ANKS1A: variants seen among roughly 807,000 people sequenced by gnomAD.
ANKS1A encodes the protein ankyrin repeat and sterile alpha motif domain containing 1A.
In ANKS1A, 55 loss-of-function variants were observed where a neutral mutation model predicts 120.3. The observed-to-expected ratio is 0.46, with a 90% confidence interval of 0.37 to 0.57. The LOEUF is 0.57. ANKS1A is among the 20% of genes least tolerant of loss of function. The pLI, the probability that ANKS1A is intolerant of heterozygous loss-of-function variation, is 0.00. For missense variants in ANKS1A, 1,123 were observed against 1,480.3 expected, an observed-to-expected ratio of 0.76 and a Z score of 3.96; for synonymous variants, 590 against 604.7, an observed-to-expected ratio of 0.98 and a Z score of 0.36.
intron 1 of ANKS1A, among the ~76,000 whole-genome samples, chr6:34,901,599 C>A (rs905730631): frequency 1.3e-5 from 2 of 152,164 alleles, no homozygotes; most frequent in Non-Finnish European, 2.9e-5. Context: ...TAACTTCAGC[C>A]TCCTGGGCTC....
intron 1 of ANKS1A, among the ~76,000 whole-genome samples, chr6:34,952,224 A>G (rs1770124967): frequency 6.6e-6 from 1 of 152,220 alleles, no homozygotes; most frequent in Non-Finnish European, 1.5e-5. Context: ...ATCCACTTAA[A>G]GTATACTTGG....
chr6:34,966,334 C>T (rs979728019), intron 1 of ANKS1A, among the ~76,000 whole-genome samples: 2 of 152,126 alleles, frequency 1.3e-5, no homozygotes, highest in East Asian at 3.8e-4. Flanking sequence ...AAACTATTAT[C>T]TCCATAGATG....
In ANKS1A at chr6:35,082,862, T is replaced by C; in HGVS notation, c.2835+46T>C. ...CAGCAGGGCCGGCCTCCCTGCTCCT[T>C]CTCGGCCAGGCACCTGCGGCCAAGT... On this transcript the variant is annotated intron_variant, in intron 18 of 23. Coordinates refer to ENST00000360359, the MANE Select transcript of ANKS1A (RefSeq NM_015245.3). The surrounding 1 kb of genome is among the most constrained non-coding windows in gnomAD (Gnocchi z 4.1). 1.3e-6 allele frequency: 2 copies of C among 1,583,214 alleles called. No individual in the cohort carries two copies. Among genetic ancestry groups the C allele is most frequent in the Non-Finnish European group, 1.7e-6 (2 of 1,165,070 alleles).
rs1219975857 is a variant in ANKS1A, at chr6:35,090,042, G to A, written c.*1433G>A. The A allele has an allele frequency of 2.4e-6, 3 of 1,240,150 alleles. No individual in the cohort carries two copies. The highest frequency in any genetic ancestry group is 2.8e-5 in the South Asian group (2 of 72,458). The allele number at this position is 1,240,150 out of a possible 1,614,324, so 76.8% of individuals were successfully genotyped here. ...AACCCATGTGGTTGGCCAGAAATCA[G>A]AAGTGGGGCTGTGTCTCTGACTGGC... On this transcript the variant is annotated 3_prime_UTR_variant, in exon 24 of 24. Transcript: ENST00000360359.
At chr6:34,932,147 T>C (rs193007616) in intron 1 of ANKS1A, among the ~76,000 whole-genome samples, 1 of 152,246 alleles carries the variant, frequency 6.6e-6, no homozygotes, top group Non-Finnish European at 1.5e-5. Context: ...GACAGAGTAA[T>C]TTTTCTCTTT....
rs1766711008 is a variant in ANKS1A at position 34,889,814 on chromosome 6, G to A, written c.197+215G>A. Among the ~76,000 whole-genome samples the A allele has an allele frequency of 6.6e-6, 1 of 152,110 alleles. No individual in the cohort carries two copies. Among genetic ancestry groups the A allele is most frequent in the African/African-American group, 2.4e-5 (1 of 41,416 alleles). ...CTCGCCTGGTCTCCCGTTCTGACCC[G>A]GCTGCGAAGAATGGTGGGAGTGCCC... On this transcript the variant is annotated intron_variant, in intron 1 of 23. Transcript: ENST00000360359. The surrounding 1 kb of genome is among the most constrained non-coding windows in gnomAD (Gnocchi z 5.5).
chr6:34,976,692 TA>T (rs1285862991), intron 3 of ANKS1A, among the ~76,000 whole-genome samples: 1 of 152,102 alleles, frequency 6.6e-6, no homozygotes, highest in Non-Finnish European at 1.5e-5. Flanking sequence ...GTTTTAAGAA[TA>T]ATGCCATGAA....
At chr6:34,917,649 A>T (rs1768231291) in intron 1 of ANKS1A, among the ~76,000 whole-genome samples, 1 of 152,180 alleles carries the variant, frequency 6.6e-6, no homozygotes, top group Non-Finnish European at 1.5e-5. Flanking sequence ...AGCTGGGTGG[A>T]CAGGAAAGAC....
At chr6:35,020,391 C>T (rs1293724865) in intron 11 of ANKS1A, among the ~76,000 whole-genome samples, 1 of 152,158 alleles carries the variant, frequency 6.6e-6, no homozygotes, top group East Asian at 1.9e-4. Context: ...TATTTCATGT[C>T]AGGGACTTGA....
intron 11 of ANKS1A, among the ~76,000 whole-genome samples, chr6:35,019,693 CAG>C (rs1774226012): frequency 6.6e-6 from 1 of 152,084 alleles, no homozygotes; most frequent in South Asian, 2.1e-4. Flanking sequence ...TTTTTTAAAA[CAG>C]AGTTTTACTA....
intron 11 of ANKS1A, among the ~76,000 whole-genome samples, chr6:35,034,617 G>C (rs964669791): frequency 6.6e-6 from 1 of 152,202 alleles, no homozygotes; most frequent in African/African-American, 2.4e-5. Flanking sequence ...TTAATTAAAA[G>C]ATATTTTTAA....
chr6:34,992,144 T>C (rs1482015751), intron 9 of ANKS1A, among the ~76,000 whole-genome samples: 1 of 152,192 alleles, frequency 6.6e-6, no homozygotes, highest in Non-Finnish European at 1.5e-5. Context: ...ATCAAGGGAA[T>C]TGACTTTTAT....
In ANKS1A at chr6:35,079,537, G is replaced by A. The variant is rs370130506; in HGVS notation, c.2305G>A (p.Gly769Arg). 1.2e-6 allele frequency: 2 copies of A among 1,613,702 alleles called. No homozygotes were observed. Among genetic ancestry groups the A allele is most frequent in the South Asian group, 1.1e-5 (1 of 91,066 alleles). Residue 769 changes from glycine (G) to arginine (R), a missense_variant, in exon 15 of 24, where the codon GGG becomes AGG. Coordinates refer to ENST00000360359, the MANE Select transcript of ANKS1A (RefSeq NM_015245.3). ...LPKVKALGYD[G>R]NSPPSVPSWL... ...GTAGGTGAAGGCTCTGGGTTATGAC[G>A]GGAACAGCCCCCCTAGCGTGCCCTC...
In ANKS1A at chr6:35,057,932, T is replaced by A. The variant is rs1218099447; in HGVS notation, c.2078-2215T>A. On this transcript the variant is annotated intron_variant, in intron 12 of 23. Transcript: ENST00000360359. This position sits in a 1 kb window ranked among gnomAD's most constrained non-coding sequence, Gnocchi z 4.1. ...CAAAGCTCTAGGAGCAGTCCCTCTC[T>A]ATTCTTCCTGACAAGCTGTTTCCAG... is the stretch of plus-strand genomic sequence containing the variant. Among the ~76,000 whole-genome samples, 1 of 152,226 alleles carries A rather than the reference T, an allele frequency of 6.6e-6. No individual in the cohort carries two copies. The highest frequency in any genetic ancestry group is 1.9e-4 in the East Asian group (1 of 5,200).
intron 1 of ANKS1A, among the ~76,000 whole-genome samples, chr6:34,894,513 G>A (rs1001344359): frequency 6.6e-6 from 1 of 152,018 alleles, no homozygotes; most frequent in African/African-American, 2.4e-5. Context: ...TTAGCCAGGC[G>A]TGATGGTGTG....
chr6:34,985,399 G>C, intron 8 of ANKS1A, 121 bp downstream of exon 8: 1 of 967,376 alleles, frequency 1.0e-6, no homozygotes, highest in Non-Finnish European at 1.5e-6. Flanking sequence ...GGGGCCTGGA[G>C]CCCACTTATT....
intron 11 of ANKS1A, chr6:35,039,775 G>C (rs1365222631): frequency 2.7e-6 from 1 of 374,824 alleles, no homozygotes; most frequent in Non-Finnish European, 5.4e-6. Context: ...CAGCCCTCGA[G>C]AGGCCTAAGT....
At position 34,889,364 on chromosome 6, in the gene ANKS1A, A is replaced by G; in HGVS notation, c.-39A>G. The G allele has an allele frequency of 8.0e-7, 1 of 1,247,756 alleles. No individual in the cohort carries two copies. 77.3% of individuals were successfully genotyped at this position (1,247,756 alleles called of 1,614,324 possible). ...TGGGAGCCCGAGCAGGCTCGGCTGCAGCCTCGGGGAGGGGGTCCAGCGGGT... is the reference window on the plus strand; with the variant it reads ...TGGGAGCCCGAGCAGGCTCGGCTGCGGCCTCGGGGAGGGGGTCCAGCGGGT... On this transcript the variant is annotated 5_prime_UTR_variant, in exon 1 of 24. Transcript: ENST00000360359. The surrounding 1 kb of genome is among the most constrained non-coding windows in gnomAD (Gnocchi z 5.5).
intron 3 of ANKS1A, among the ~76,000 whole-genome samples, chr6:34,971,829 T>C (rs1324705118): frequency 1.3e-5 from 2 of 152,208 alleles, no homozygotes; most frequent in Non-Finnish European, 2.9e-5. Context: ...ATATAGCTGT[T>C]AATCAGCCTT....
Sources: gnomAD v4.1 joint callset for allele counts (sites outside exome capture counted in the v4.1 genomes callset) on GRCh38, gnomAD v4.1.1 for gene constraint, Gnocchi (gnomAD v3.1) non-coding constraint, MANE v1.5 for transcripts, NCBI Gene and HGNC (gene_info 2026-07-23, HGNC 2026-07-21) for gene names.